Variants in FCHSD2 observed in about 807,000 individuals in gnomAD.
The protein encoded by FCHSD2 is FCH and double SH3 domains 2, also known as F-BAR and double SH3 domains protein 2.
A neutral mutation model predicts 108.1 loss-of-function variants in FCHSD2; 38 were observed. That is an observed-to-expected ratio of 0.35 (90% CI 0.27 to 0.46). The LOEUF (loss-of-function observed/expected upper bound fraction) is 0.46. Ranked by LOEUF, FCHSD2 falls within the 20% of genes least tolerant of loss-of-function variation. FCHSD2 has a pLI of 1.00. For missense variants in FCHSD2, 751 were observed against 897.8 expected (o/e 0.84, Z 2.09); for synonymous variants, 279 against 314.7 (o/e 0.89, Z 1.20).
At chr11:73,007,691 T>C (rs1372241543) in intron 4 of FCHSD2, among the ~76,000 whole-genome samples, 3 of 152,060 alleles carry the variant, frequency 2.0e-5, no homozygotes, top group African/African-American at 4.8e-5. Context: ...AGATCTTAAG[T>C]GTGGAAGAGG....
intron 2 of FCHSD2, among the ~76,000 whole-genome samples, chr11:73,086,840 A>C (rs984263229): frequency 6.6e-6 from 1 of 152,242 alleles, no homozygotes; most frequent in Admixed American, 6.5e-5. Context: ...AGATAAATAC[A>C]ATGTGGTATA....
chr11:72,936,921 T>C (rs141804665), intron 8 of FCHSD2, among the ~76,000 whole-genome samples: 3 of 152,358 alleles, frequency 2.0e-5, no homozygotes, highest in African/African-American at 4.8e-5. Flanking sequence ...GTCCAATGTA[T>C]GGACTTCCTT....
chr11:72,940,404 T>TG (rs1450011219), intron 8 of FCHSD2: 36 of 502,382 alleles, frequency 7.2e-5, no homozygotes, highest in African/African-American at 5.8e-4. Context: ...TTAAAGGAAA[T>TG]AATATATGTA....
rs1381446996 is a variant in FCHSD2, at chr11:72,848,226, C to G, written c.1443+1529G>C. Among the ~76,000 whole-genome samples, 8 of 152,292 alleles carry G rather than the reference C, an allele frequency of 5.3e-5. No homozygotes were observed. The South Asian group carries it at 1.7e-3, about 32-fold the overall frequency. ...AAACCAAACCTCTAAGTCTGGTACC[C>G]AAGGCCCTTTACTATCTGACAACAA... On this transcript the variant is annotated intron_variant, in intron 14 of 19. Coordinates refer to ENST00000409418, the MANE Select transcript of FCHSD2 (RefSeq NM_014824.3).
chr11:72,964,525 C>G (rs1049143921), intron 8 of FCHSD2, among the ~76,000 whole-genome samples: 2 of 152,130 alleles, frequency 1.3e-5, no homozygotes, highest in African/African-American at 2.4e-5. Flanking sequence ...TCCTTAAGGG[C>G]AAGGGCTGTG....
intron 8 of FCHSD2, among the ~76,000 whole-genome samples, chr11:72,954,141 T>C (rs1431569304): frequency 2.0e-5 from 3 of 150,692 alleles, no homozygotes; most frequent in Admixed American, 6.6e-5. Context: ...CTAAAGTACA[T>C]GCAAAGATAA....
intron 2 of FCHSD2, among the ~76,000 whole-genome samples, chr11:73,086,045 GGCAAAATGTAAATATGAAAAGAAA>G (rs1223816110): frequency 3.9e-5 from 6 of 152,162 alleles, no homozygotes; most frequent in African/African-American, 1.4e-4. Flanking sequence ...ACTATGTGCG[GGCAAAATGTAAATATGAAAAGAAA>G]GCAGTGCTAC....
intron 8 of FCHSD2, among the ~76,000 whole-genome samples, chr11:72,964,149 T>C (rs962945804): frequency 7.9e-5 from 12 of 152,182 alleles, no homozygotes; most frequent in African/African-American, 2.7e-4. Flanking sequence ...TCTCTAAAGA[T>C]TGAAATGATG....
intron 3 of FCHSD2, among the ~76,000 whole-genome samples, chr11:73,044,163 TCAAA>T (rs1396835000): frequency 2.6e-5 from 4 of 152,168 alleles, no homozygotes; most frequent in African/African-American, 9.7e-5. Flanking sequence ...TTTGTATAAA[TCAAA>T]CAAAGAGACC....
chr11:73,000,129 C>T (rs564930448), intron 5 of FCHSD2, among the ~76,000 whole-genome samples: 41 of 152,188 alleles, frequency 2.7e-4, no homozygotes, highest in Non-Finnish European at 4.0e-4. Context: ...CTTTGGCAAA[C>T]GGAAAATTGG....
chr11:72,996,033 A>C (rs913379999), intron 5 of FCHSD2, among the ~76,000 whole-genome samples: 1 of 152,218 alleles, frequency 6.6e-6, no homozygotes, highest in African/African-American at 2.4e-5. Flanking sequence ...AAACATGAAC[A>C]ATTAATTAGG....
chr11:73,007,929 T>C (rs1363870704), intron 4 of FCHSD2, among the ~76,000 whole-genome samples: 1 of 152,178 alleles, frequency 6.6e-6, no homozygotes, highest in Admixed American at 6.5e-5. Context: ...CTGACGACTA[T>C]GTGTGGCTAC....
intron 3 of FCHSD2, 128 bp from the exon 4 acceptor site, chr11:73,016,013 CAAT>C: frequency 3.3e-6 from 2 of 605,548 alleles, no homozygotes; most frequent in Non-Finnish European, 5.7e-6. Flanking sequence ...TGAAAAAAAA[CAAT>C]GATAGGCTGC....
rs534279141 is a variant in FCHSD2 at position 72,993,484 on chromosome 11, C to A, written c.388-4387G>T. 1.7e-4 allele frequency among the ~76,000 whole-genome samples: 26 copies of A among 152,178 alleles called. No homozygotes were observed. The South Asian group carries it at 1.9e-3, about 11-fold the overall frequency. On this transcript the variant is annotated intron_variant, in intron 5 of 19. Coordinates refer to ENST00000409418, the MANE Select transcript of FCHSD2 (RefSeq NM_014824.3). ...CATATGTTTATTGTGGCACTATTCACAATAGGAAAGACTTGGAACCAACCC... is the reference window on the plus strand; with the variant it reads ...CATATGTTTATTGTGGCACTATTCAAAATAGGAAAGACTTGGAACCAACCC...
At chr11:73,045,772 G>GT (rs1318024717) in intron 3 of FCHSD2, among the ~76,000 whole-genome samples, 1 of 151,798 alleles carries the variant, frequency 6.6e-6, no homozygotes, top group African/African-American at 2.4e-5. Flanking sequence ...CTGTTGTGGG[G>GT]TGGGGGGAGC....
chr11:73,008,109 C>CA (rs1391144026), intron 4 of FCHSD2, among the ~76,000 whole-genome samples: 5 of 152,112 alleles, frequency 3.3e-5, no homozygotes, highest in Admixed American at 3.3e-4. Flanking sequence ...GAGGCTGAGG[C>CA]AGGCAGATCA....
At chr11:73,077,743 T>C (rs770122996) in intron 3 of FCHSD2, 3 of 299,454 alleles carry the variant, frequency 1.0e-5, no homozygotes, top group Non-Finnish European at 2.0e-5. Context: ...TAATGCTAAA[T>C]GAAGAAGCCA....
At chr11:73,119,297 T>C (rs1860677358) in intron 2 of FCHSD2, among the ~76,000 whole-genome samples, 1 of 147,832 alleles carries the variant, frequency 6.8e-6, no homozygotes. Flanking sequence ...AGCGAGACTC[T>C]GCCTCAAAAA....
intron 10 of FCHSD2, among the ~76,000 whole-genome samples, chr11:72,899,630 G>A (rs972029849): frequency 6.7e-5 from 10 of 149,918 alleles, no homozygotes; most frequent in Admixed American, 4.0e-4. Flanking sequence ...CCAGTTACTC[G>A]GGAAGCTGAG....
Sources: gnomAD v4.1 joint callset for allele counts (sites outside exome capture counted in the v4.1 genomes callset) on GRCh38, gnomAD v4.1.1 for gene constraint, MANE v1.5 for transcripts, NCBI Gene and HGNC (gene_info 2026-07-23, HGNC 2026-07-21) for gene names.